KAZN: variants seen among roughly 807,000 people sequenced by gnomAD.
The protein encoded by KAZN is kazrin, periplakin interacting protein.
A neutral mutation model predicts 87.4 loss-of-function variants in KAZN; 40 were observed. The observed-to-expected ratio is 0.46, with a 90% CI of 0.36 to 0.60. The LOEUF (loss-of-function observed/expected upper bound fraction) is 0.60, where lower values mean the gene tolerates loss of function less well. Among genes scored for constraint, KAZN ranks in the 20% least tolerant of loss-of-function variants. KAZN has a pLI of 0.00. For missense variants in KAZN, 898 were observed against 1,073.9 expected, an observed-to-expected ratio of 0.84 and a Z score of 2.29; for synonymous variants, 466 against 458.3, an observed-to-expected ratio of 1.02 and a Z score of -0.22.
intron 1 of KAZN, among the ~76,000 whole-genome samples, chr1:14,908,125 C>T (rs1391399858): frequency 1.3e-5 from 2 of 152,206 alleles, no homozygotes; most frequent in Non-Finnish European, 1.5e-5. Context: ...GTCAGCGGCA[C>T]GGTGGCTCAC....
chr1:14,237,248 C>T (rs1265180209), intron 2 of KAZN, among the ~76,000 whole-genome samples: 2 of 152,068 alleles, frequency 1.3e-5, no homozygotes, highest in Non-Finnish European at 2.9e-5. Context: ...AAGAAACAGA[C>T]AAGGAGAATA....
At chr1:14,185,793 A>G (rs925317712) in intron 2 of KAZN, among the ~76,000 whole-genome samples, 2 of 151,998 alleles carry the variant, frequency 1.3e-5, no homozygotes, top group East Asian at 3.9e-4. Flanking sequence ...AAATTGTAAT[A>G]CTCTTGTTCT....
chr1:14,189,316 C>G (rs558996038), intron 2 of KAZN, among the ~76,000 whole-genome samples: 2 of 152,240 alleles, frequency 1.3e-5, no homozygotes, highest in African/African-American at 4.8e-5. Context: ...TCTGATCCCT[C>G]TTTTATTTTT....
intron 1 of KAZN, among the ~76,000 whole-genome samples, chr1:14,055,616 TG>T (rs1557438028): frequency 2.0e-5 from 3 of 152,108 alleles, no homozygotes; most frequent in African/African-American, 7.2e-5. Flanking sequence ...CTCCCCACAT[TG>T]GATCATCAGA....
intron 2 of KAZN, among the ~76,000 whole-genome samples, chr1:14,532,891 T>C (rs1672290943): frequency 6.6e-6 from 1 of 152,062 alleles, no homozygotes; most frequent in Non-Finnish European, 1.5e-5. Flanking sequence ...TTGGGTTGGT[T>C]CCAAGTCTTT....
intron 2 of KAZN, among the ~76,000 whole-genome samples, chr1:14,428,028 A>G (rs1021201462): frequency 6.6e-5 from 10 of 152,194 alleles, no homozygotes; most frequent in African/African-American, 2.4e-4. Flanking sequence ...ATCAAGTCTG[A>G]ATGAGGGCCC....
intron 1 of KAZN, among the ~76,000 whole-genome samples, chr1:13,961,895 C>G (rs999471870): frequency 2.6e-5 from 4 of 152,152 alleles, no homozygotes; most frequent in African/African-American, 9.7e-5. Flanking sequence ...GCAGTCCATC[C>G]CTCTGATCCT....
intron 1 of KAZN, among the ~76,000 whole-genome samples, chr1:14,703,385 T>C (rs1338042827): frequency 6.6e-6 from 1 of 152,186 alleles, no homozygotes; most frequent in African/African-American, 2.4e-5. Context: ...CTCATAATAC[T>C]GAGTTAGCTC....
rs545070825 is a variant in KAZN at position 14,719,864 on chromosome 1, G to T, written c.226+120641G>T. ...AGAAAACATAATGAGAAAAAAGGGA[G>T]AGAAACATGCAGGTGCTGGGAAGGG... On this transcript the variant is annotated intron_variant, in intron 1 of 14. Transcript: ENST00000376030. 3.9e-5 allele frequency among the ~76,000 whole-genome samples: 6 copies of T among 152,264 alleles called. No homozygotes were observed. The South Asian group carries it at 1.2e-3, about 32-fold the overall frequency.
intron 1 of KAZN, among the ~76,000 whole-genome samples, chr1:14,775,316 G>T (rs941120844): frequency 5.3e-5 from 8 of 152,236 alleles, no homozygotes; most frequent in African/African-American, 1.9e-4. Context: ...CTCATTCTAG[G>T]CAGTCACTGT....
intron 1 of KAZN, among the ~76,000 whole-genome samples, chr1:14,825,352 G>A (rs1003914444): frequency 5.9e-5 from 9 of 152,126 alleles, no homozygotes; most frequent in Non-Finnish European, 8.8e-5. Flanking sequence ...CTCCATCACC[G>A]CTTCTTTTTG....
At chr1:15,104,707 A>T (rs1641235869) in intron 13 of KAZN, among the ~76,000 whole-genome samples, 1 of 152,214 alleles carries the variant, frequency 6.6e-6, no homozygotes, top group African/African-American at 2.4e-5. Context: ...ACCTGGGCAT[A>T]AACCAGTCCC....
intron 1 of KAZN, among the ~76,000 whole-genome samples, chr1:14,720,669 C>A (rs976477429): frequency 1.2e-4 from 19 of 152,194 alleles, no homozygotes; most frequent in African/African-American, 4.6e-4. Context: ...TTACAGACTG[C>A]CCTTCGCTCA....
At chr1:15,058,101 G>A (rs367843961) in intron 5 of KAZN, among the ~76,000 whole-genome samples, 11 of 152,190 alleles carry the variant, frequency 7.2e-5, no homozygotes, top group African/African-American at 9.7e-5. Flanking sequence ...GCTCACCTGC[G>A]TCATAGCACC....
In KAZN at chr1:15,099,109, G is replaced by A. The variant is rs989064025; in HGVS notation, c.1548-2434G>A. On this transcript the variant is annotated intron_variant, in intron 10 of 14. Coordinates refer to ENST00000376030, the MANE Select transcript of KAZN (RefSeq NM_201628.3). The surrounding 1 kb of genome is among the most constrained non-coding windows in gnomAD (Gnocchi z 5.4). ...GCAGAGTCCATAGGAGTTCACTGGG[G>A]GAAGAGGGTGGGGTAGAGGACAGGC... is the stretch of plus-strand genomic sequence containing the variant. Among the ~76,000 whole-genome samples, 3 of 152,212 alleles carry A rather than the reference G, an allele frequency of 2.0e-5. No individual in the cohort carries two copies. Among genetic ancestry groups the A allele is most frequent in the Admixed American group, 6.5e-5 (1 of 15,282 alleles).
At chr1:14,099,330 A>G (rs749115136) in intron 1 of KAZN, among the ~76,000 whole-genome samples, 6 of 152,032 alleles carry the variant, frequency 3.9e-5, no homozygotes, top group Admixed American at 2.0e-4. Context: ...TTTCTAAGAG[A>G]TGGCTTAATT....
chr1:13,962,018 A>C (rs1301619281), intron 1 of KAZN, among the ~76,000 whole-genome samples: 22 of 151,978 alleles, frequency 1.4e-4, no homozygotes, highest in Non-Finnish European at 3.2e-4. Flanking sequence ...CATCCTTCTC[A>C]CCTCAGCATA....
At chr1:14,371,257 G>C (rs1660461928) in intron 2 of KAZN, among the ~76,000 whole-genome samples, 1 of 152,186 alleles carries the variant, frequency 6.6e-6, no homozygotes. Flanking sequence ...CACACTTTGA[G>C]AGCTATTGCT....
In KAZN at chr1:14,735,217, G is replaced by A. The variant is rs562473232; in HGVS notation, c.226+135994G>A. ...TGGGACTACAGGCACCCGCCACCAT[G>A]CCCGGCTAATTTTTTTGTATTTTTA... is the stretch of plus-strand genomic sequence containing the variant. On this transcript the variant is annotated intron_variant, in intron 1 of 14. Coordinates refer to ENST00000376030, the MANE Select transcript of KAZN (RefSeq NM_201628.3). This position sits in a 1 kb window ranked among gnomAD's most constrained non-coding sequence, Gnocchi z 4.3. Among the ~76,000 whole-genome samples the A allele has an allele frequency of 6.6e-6, 1 of 152,146 alleles. No individual in the cohort carries two copies. Among genetic ancestry groups the A allele is most frequent in the Non-Finnish European group, 1.5e-5 (1 of 68,028 alleles).
Sources: gnomAD v4.1 joint callset for allele counts (sites outside exome capture counted in the v4.1 genomes callset) on GRCh38, gnomAD v4.1.1 for gene constraint, Gnocchi (gnomAD v3.1) non-coding constraint, MANE v1.5 for transcripts, NCBI Gene and HGNC (gene_info 2026-07-23, HGNC 2026-07-21) for gene names.